Variants in CHST9 observed in about 807,000 individuals in gnomAD.
CHST9 encodes carbohydrate sulfotransferase 9, also known as GalNAc-4-sulfotransferase 2.
Under a neutral mutation model 44.4 loss-of-function variants are expected in CHST9, and 41 were observed. That is an observed-to-expected ratio of 0.92 (90% CI 0.72 to 1.20). The LOEUF is 1.20. Among genes scored for constraint, CHST9 ranks in the 50% most tolerant of loss-of-function variants. CHST9 has a pLI of 0.00. For missense variants in CHST9, 504 were observed against 516.5 expected (o/e 0.98, Z 0.23); for synonymous variants, 171 against 178.4 (o/e 0.96, Z 0.33).
At chr18:26,956,028 G>A (rs1421075119) in intron 4 of CHST9, among the ~76,000 whole-genome samples, 1 of 152,082 alleles carries the variant, frequency 6.6e-6, no homozygotes, top group African/African-American at 2.4e-5. Flanking sequence ...CAGGTGCAGT[G>A]ATTCACGCCT....
At chr18:26,947,992 C>T (rs886252562) in intron 4 of CHST9, among the ~76,000 whole-genome samples, 2 of 152,092 alleles carry the variant, frequency 1.3e-5, no homozygotes, top group Non-Finnish European at 2.9e-5. Context: ...GACTTGGAAC[C>T]AACCTAAATG....
At chr18:26,976,812 C>G (rs756968905) in intron 4 of CHST9, among the ~76,000 whole-genome samples, 4 of 152,098 alleles carry the variant, frequency 2.6e-5, no homozygotes, top group Non-Finnish European at 5.9e-5. Context: ...AAGGCTATCA[C>G]AGTGACAATT....
intron 1 of CHST9, among the ~76,000 whole-genome samples, chr18:27,153,418 G>A (rs1030880365): frequency 2.0e-5 from 3 of 152,018 alleles, no homozygotes; most frequent in African/African-American, 7.2e-5. Context: ...TAGGTTTCTG[G>A]TGGCTCTAGG....
chr18:27,076,753 C>T (rs2057908466), intron 2 of CHST9, among the ~76,000 whole-genome samples: 1 of 152,186 alleles, frequency 6.6e-6, no homozygotes, highest in South Asian at 2.1e-4. Context: ...CTATGCATCT[C>T]TCCTCATCCA....
At chr18:27,136,784 AAAT>A (rs1366275169) in intron 2 of CHST9, among the ~76,000 whole-genome samples, 1 of 152,210 alleles carries the variant, frequency 6.6e-6, no homozygotes, top group Non-Finnish European at 1.5e-5. Context: ...TGTTATAAAT[AAAT>A]AGCTAAAAAA....
Position 26,965,164 on chromosome 18 carries a change from C to T in CHST9, c.203-20798G>A, listed in dbSNP as rs1360896129. On this transcript the variant is annotated intron_variant, in intron 4 of 5. Transcript: ENST00000618847. The stretch of plus-strand genomic sequence containing the variant: ...CATTTTTTGGGTTTAGAATTTGAGC[C>T]GACTGTGAATGGATTATGAGACTCA... 5.9e-5 allele frequency among the ~76,000 whole-genome samples: 9 copies of T among 152,074 alleles called. 1 individual carries two copies. Among genetic ancestry groups the T allele is most frequent in the South Asian group, 4.1e-4 (2 of 4,834 alleles).
intron 5 of CHST9, among the ~76,000 whole-genome samples, chr18:26,919,346 C>G (rs2055602464): frequency 6.6e-6 from 1 of 152,110 alleles, no homozygotes; most frequent in Non-Finnish European, 1.5e-5. Flanking sequence ...ACTTCAAAGC[C>G]CTTTGTGCTT....
At chr18:26,967,383 T>C (rs1452198810) in intron 4 of CHST9, among the ~76,000 whole-genome samples, 1 of 151,544 alleles carries the variant, frequency 6.6e-6, no homozygotes, top group African/African-American at 2.4e-5. Context: ...GTGTAGATGC[T>C]CTTCAGCTAC....
intron 4 of CHST9, among the ~76,000 whole-genome samples, chr18:26,993,926 C>A (rs1409993594): frequency 6.6e-6 from 1 of 152,208 alleles, no homozygotes; most frequent in Non-Finnish European, 1.5e-5. Context: ...GCCGGCAGGG[C>A]ACGTTTCATT....
chr18:27,003,473 T>C (rs1299790488), intron 4 of CHST9, among the ~76,000 whole-genome samples: 9 of 152,190 alleles, frequency 5.9e-5, no homozygotes, highest in East Asian at 1.9e-4. Flanking sequence ...ACCTGGTAAA[T>C]TGTACTTGCA....
chr18:27,016,743 ATC>A (rs2057159433), intron 4 of CHST9, among the ~76,000 whole-genome samples: 1 of 152,212 alleles, frequency 6.6e-6, no homozygotes, highest in African/African-American at 2.4e-5. Context: ...ACTTACATCA[ATC>A]TCTCTTTCTA....
Position 27,041,608 on chromosome 18 carries a change from T to C in CHST9, c.160+6857A>G, listed in dbSNP as rs556714843. Among the ~76,000 whole-genome samples, 13 of 152,268 alleles carry C rather than the reference T, an allele frequency of 8.5e-5. No individual in the cohort carries two copies. In the South Asian group the frequency reaches 2.7e-3, roughly 32 times the overall value. ...ATATGTGGAGGGAATTTCAGGTAGA[T>C]GTGTTCATATCTGTACTTTGACTAT... On this transcript the variant is annotated intron_variant, in intron 3 of 5. Coordinates refer to ENST00000618847, the MANE Select transcript of CHST9 (RefSeq NM_031422.6).
At position 26,960,573 on chromosome 18, in the gene CHST9, GT is replaced by G. The variant is rs944981086; in HGVS notation, c.203-16208del. Among the ~76,000 whole-genome samples, 12 of 152,316 alleles carry G rather than the reference GT, an allele frequency of 7.9e-5. No individual in the cohort carries two copies. The East Asian group carries it at 2.3e-3, about 29-fold the overall frequency. On this transcript the variant is annotated intron_variant, in intron 4 of 5. Transcript: ENST00000618847. The stretch of plus-strand genomic sequence containing the variant: ...GAATTTATCGGAGAACAACAGAATT[GT>G]TTATGCCTAGCATTCCATTATTGGA...
intron 4 of CHST9, among the ~76,000 whole-genome samples, chr18:27,020,667 A>G (rs1181502258): frequency 6.6e-6 from 1 of 152,206 alleles, no homozygotes; most frequent in African/African-American, 2.4e-5. Flanking sequence ...CATGCTCCCA[A>G]ATGAGGAATG....
At chr18:27,067,710 T>C (rs759570200) in intron 2 of CHST9, among the ~76,000 whole-genome samples, 1 of 152,132 alleles carries the variant, frequency 6.6e-6, no homozygotes, top group Admixed American at 6.6e-5. Flanking sequence ...AGTTTTAGAA[T>C]GTTAAACCTA....
chr18:27,086,521 CAA>C (rs1362388494), intron 2 of CHST9, among the ~76,000 whole-genome samples: 1 of 152,084 alleles, frequency 6.6e-6, no homozygotes, highest in Non-Finnish European at 1.5e-5. Flanking sequence ...TGACAGTAAT[CAA>C]AAGAGTTTTC....
At chr18:27,155,446 C>T (rs1374778044) in intron 1 of CHST9, among the ~76,000 whole-genome samples, 1 of 152,034 alleles carries the variant, frequency 6.6e-6, no homozygotes, top group African/African-American at 2.4e-5. Flanking sequence ...TGATTAAGGC[C>T]CTGTGCTAGA....
At chr18:26,931,590 G>C (rs1462299877) in intron 5 of CHST9, among the ~76,000 whole-genome samples, 2 of 152,338 alleles carry the variant, frequency 1.3e-5, no homozygotes, top group Admixed American at 1.3e-4. Flanking sequence ...CCTGGAGCCT[G>C]CTTCCTCCTG....
chr18:27,068,187 C>CAG (rs1267755083), intron 2 of CHST9, among the ~76,000 whole-genome samples: 1 of 151,972 alleles, frequency 6.6e-6, no homozygotes, highest in Non-Finnish European at 1.5e-5. Context: ...TATGATTGCT[C>CAG]CTCTGTCCTT....
Sources: gnomAD v4.1 joint callset for allele counts (sites outside exome capture counted in the v4.1 genomes callset) on GRCh38, gnomAD v4.1.1 for gene constraint, MANE v1.5 for transcripts, NCBI Gene and HGNC (gene_info 2026-07-23, HGNC 2026-07-21) for gene names.